The following RSPH10B2 variants were observed in gnomAD, a reference collection of about 807,000 sequenced individuals.
RSPH10B2 encodes radial spoke head 10 homolog B2.
In RSPH10B2, 9 loss-of-function variants were observed where a neutral mutation model predicts 49.0. The ratio of observed to expected loss-of-function variants is 0.18; its 90% confidence interval spans 0.11 to 0.32. The LOEUF (loss-of-function observed/expected upper bound fraction) is 0.32. RSPH10B2 is among the 10% of genes least tolerant of loss of function. The probability of loss-of-function intolerance (pLI) is 1.00; values close to 1 mark genes in which losing one functional copy is unlikely to be tolerated. For synonymous variants in RSPH10B2, 35 were observed against 210.2 expected (o/e 0.17, Z 7.21); for missense variants, 95 against 589.9 (o/e 0.16, Z 8.69).
intron 13 of RSPH10B2, among the ~76,000 whole-genome samples, chr7:6,783,739 C>T (rs1237250276): frequency 6.6e-6 from 1 of 151,614 alleles, no homozygotes; most frequent in Non-Finnish European, 1.5e-5. Context: ...TCCTGAAGTG[C>T]TGGGATTACA....
chr7:6,768,272 TTATC>T (rs1184454762), intron 6 of RSPH10B2, among the ~76,000 whole-genome samples: 1 of 152,424 alleles, frequency 6.6e-6, no homozygotes, highest in Admixed American at 6.5e-5. Context: ...TTATGTACAC[TTATC>T]TTCACTTTTT....
At chr7:6,767,334 A>T (rs1583504346) in intron 6 of RSPH10B2, among the ~76,000 whole-genome samples, 1 of 712 alleles carries the variant, frequency 1.4e-3, no homozygotes, top group East Asian at 5.6e-3. Flanking sequence ...GTGCGGTGGC[A>T]GGATCTCAGC....
rs558276929 is a variant in RSPH10B2, at chr7:6,797,909, T to C, written c.2433-454T>C. Among the ~76,000 whole-genome samples the C allele has an allele frequency of 2.3e-4, 22 of 95,180 alleles. 3 individuals carry two copies. Among genetic ancestry groups the C allele is most frequent in the Admixed American group, 2.1e-3 (18 of 8,414 alleles). The allele number at this position is 95,180 out of a possible 152,430, so 62.4% of individuals were successfully genotyped here. A position where few individuals can be genotyped will look rare whatever the true frequency, so the allele number is the denominator to read the frequency against. ...CACACGTAACTTTGGGAGGCCAAGG[T>C]GGGTGGATCACCTGAGGTCAGGAGT... On this transcript the variant is annotated intron_variant, in intron 18 of 18. Transcript: ENST00000297186.
At chr7:6,790,907 C>CT (rs1202477981) in intron 16 of RSPH10B2, among the ~76,000 whole-genome samples, 1 of 32,876 alleles carries the variant, frequency 3.0e-5, no homozygotes, top group African/African-American at 1.2e-4. Context: ...GATCACACCA[C>CT]TGCACTCCAG....
chr7:6,796,325 A>T lies in RSPH10B2; in HGVS notation c.2234-243A>T, dbSNP rs952013585. The stretch of plus-strand genomic sequence containing the variant: ...TGAGACTCTGTCTCCAAAAAAAAAA[A>T]AACAAAAAAGAAAAAACGAGGTAGC... On this transcript the variant is annotated intron_variant, in intron 17 of 18. Transcript: ENST00000297186. 4.6e-5 allele frequency among the ~76,000 whole-genome samples: 6 copies of T among 129,752 alleles called. 2 individuals are homozygous for T. The highest frequency in any genetic ancestry group is 1.0e-4 in the Non-Finnish European group (6 of 59,514). The allele number at this position is 129,752 out of a possible 152,430, so 85.1% of individuals were successfully genotyped here.
intron 7 of RSPH10B2, among the ~76,000 whole-genome samples, chr7:6,769,737 C>T (rs1251051509): frequency 2.7e-5 from 3 of 111,664 alleles, no homozygotes; most frequent in South Asian, 2.4e-4. Flanking sequence ...TACAGGTGTG[C>T]GCCACCACGC....
intron 17 of RSPH10B2, among the ~76,000 whole-genome samples, chr7:6,796,242 A>G (rs1489418239): frequency 2.6e-5 from 3 of 113,566 alleles, no homozygotes; most frequent in East Asian, 2.5e-4. Flanking sequence ...TGAACCCAGG[A>G]GGTGGAGGTT....
At chr7:6,790,997 A>G (rs1416911633) in intron 16 of RSPH10B2, among the ~76,000 whole-genome samples, 1 of 90,622 alleles carries the variant, frequency 1.1e-5, no homozygotes. Flanking sequence ...AAGTATGGTT[A>G]AATTTTTTTT....
intron 9 of RSPH10B2, among the ~76,000 whole-genome samples, chr7:6,774,671 CATTG>C (rs1781701863): frequency 7.3e-6 from 1 of 137,682 alleles, no homozygotes; most frequent in African/African-American, 2.7e-5. Context: ...CTGTGAATTA[CATTG>C]ATTGATTTTT....
At chr7:6,797,647 G>A (rs1202932293) in intron 18 of RSPH10B2, among the ~76,000 whole-genome samples, 22 of 152,280 alleles carry the variant, frequency 1.4e-4, no homozygotes, top group Non-Finnish European at 2.5e-4. Flanking sequence ...AATCACTTGA[G>A]TTTGAGACCA....
rs1435424023 is a variant in RSPH10B2, at chr7:6,780,309, T to C, written c.1530-500T>C. Among the ~76,000 whole-genome samples the C allele has an allele frequency of 7.9e-5, 10 of 126,222 alleles. 3 individuals are homozygous for C. Among genetic ancestry groups the C allele is most frequent in the Admixed American group, 8.9e-5 (1 of 11,208 alleles). 82.8% of individuals were successfully genotyped at this position (126,222 alleles called of 152,430 possible). On this transcript the variant is annotated intron_variant, in intron 11 of 18. Coordinates refer to ENST00000297186, the Ensembl canonical transcript of RSPH10B2. Reference sequence around the variant, plus strand: ...GAAACAAATAGTCACAACCAAGTCTTCTTTCTTACATCAGAATTTCTTGTC... The same window carrying C: ...GAAACAAATAGTCACAACCAAGTCTCCTTTCTTACATCAGAATTTCTTGTC...
chr7:6,796,229 A>G (rs200693808), intron 17 of RSPH10B2, among the ~76,000 whole-genome samples: 33,457 of 88,172 alleles, frequency 0.38, 7,701 homozygotes, highest in South Asian at 0.7. Context: ...CATGAGAATC[A>G]CTTGAACCCA....
Position 6,781,361 on chromosome 7 carries a change from A to G in RSPH10B2, c.1643A>G (p.Tyr548Cys), listed in dbSNP as rs201342603. The change falls in exon 13 of 19, where the codon TAC (tyrosine) becomes TGC (cysteine). Residue 548 changes from tyrosine (Y) to cysteine (C), a missense_variant. Transcript: ENST00000297186. ...TTCCGTGAGCAACAGCGGACGCTCT[A>G]CTCTATGAGTTACATGAATAAGTGC... 697 of 1,256,024 alleles carry G rather than the reference A, an allele frequency of 5.5e-4. 145 individuals are homozygous for G. The highest frequency in any genetic ancestry group is 1.2e-3 in the Middle Eastern group (5 of 4,208). The allele number at this position is 1,256,024 out of a possible 1,614,324, so 77.8% of individuals were successfully genotyped here.
At chr7:6,794,480 A>G (rs1280116542) in intron 17 of RSPH10B2, 1 of 126,516 alleles carries the variant, frequency 7.9e-6, no homozygotes. Context: ...CGCAGAGCTC[A>G]GCATCCCAGC....
At chr7:6,767,993 A>G (rs1463712240) in intron 6 of RSPH10B2, among the ~76,000 whole-genome samples, 1 of 146,948 alleles carries the variant, frequency 6.8e-6, no homozygotes, top group Admixed American at 6.9e-5. Context: ...GGAGTTTGAG[A>G]CCAGCCTGGG....
In RSPH10B2 at chr7:6,786,925, CTG is replaced by C. The variant is rs1220385388; in HGVS notation, c.1918_1919del (p.Val640TyrfsTer2). 17 of 923,276 alleles carry C rather than the reference CTG, an allele frequency of 1.8e-5. No homozygotes were observed. Among genetic ancestry groups the C allele is most frequent in the Admixed American group, 1.6e-4 (8 of 50,408 alleles). 57.2% of individuals were successfully genotyped at this position (923,276 alleles called of 1,614,324 possible). ...AAGCTCTCTTAAGCTTTGCATTCAT[CTG>C]TGTTACTGACCAAATGACTAAATCC... On this transcript the variant is annotated frameshift_variant, in exon 15 of 19. Transcript: ENST00000297186. LOFTEE classifies it high-confidence loss of function.
At position 6,792,813 on chromosome 7, in the gene RSPH10B2, C is replaced by A. The variant is rs1405240630; in HGVS notation, c.2233+816C>A. Among the ~76,000 whole-genome samples, 2 of 117,308 alleles carry A rather than the reference C, an allele frequency of 1.7e-5. 1 individual carries two copies. The highest frequency in any genetic ancestry group is 6.7e-5 in the African/African-American group (2 of 29,846). The allele number at this position is 117,308 out of a possible 152,430, so 77.0% of individuals were successfully genotyped here. A position where few individuals can be genotyped will look rare whatever the true frequency, so the allele number is the denominator to read the frequency against. On this transcript the variant is annotated intron_variant, in intron 17 of 18. Transcript: ENST00000297186. ...TTTGAGACAGGGTTTTACTTTCTTG[C>A]CCAGGCTAGAGTGCAGTGGTGCCAT...
chr7:6,768,393 G>T (rs1364708228), intron 6 of RSPH10B2, among the ~76,000 whole-genome samples, 197 bp from the exon 9 acceptor site: 1 of 151,194 alleles, frequency 6.6e-6, no homozygotes, highest in African/African-American at 2.4e-5. Flanking sequence ...AACTTAGAGG[G>T]CTTAAGTGAT....
At chr7:6,758,879 A>C (rs1370240367) in intron 1 of RSPH10B2, among the ~76,000 whole-genome samples, 3 of 136,132 alleles carry the variant, frequency 2.2e-5, no homozygotes, top group South Asian at 2.4e-4. Flanking sequence ...AAACAAAAAA[A>C]CCCCGAAATG....
Sources: gnomAD v4.1 joint callset for allele counts (sites outside exome capture counted in the v4.1 genomes callset) on GRCh38, gnomAD v4.1.1 for gene constraint, MANE v1.5 for transcripts, NCBI Gene and HGNC (gene_info 2026-07-23, HGNC 2026-07-21) for gene names.